PTPRM: variants seen among roughly 807,000 people sequenced by gnomAD.
The protein encoded by PTPRM is protein tyrosine phosphatase receptor type M.
In PTPRM, 47 loss-of-function variants were observed where a neutral mutation model predicts 186.7. That is an observed-to-expected ratio of 0.25 (90% CI 0.20 to 0.32). The LOEUF (loss-of-function observed/expected upper bound fraction) is 0.32. PTPRM is among the 10% of genes least tolerant of loss of function. The pLI is 1.00. For synonymous variants in PTPRM, 668 were observed against 674.9 expected, an observed-to-expected ratio of 0.99 and a Z score of 0.16; for missense variants, 1,494 against 1,865.0, an observed-to-expected ratio of 0.80 and a Z score of 3.66.
rs75786621 is a variant in PTPRM at position 7,818,340 on chromosome 18, C to T, written c.196+44069C>T. ...TGTATCTAACCATTCAGTTCCTTTA[C>T]TTCGTTCAGTCATTCACAAACAGTT... On this transcript the variant is annotated intron_variant, in intron 2 of 32. Coordinates refer to ENST00000580170, the MANE Select transcript of PTPRM (RefSeq NM_001105244.2). Among the ~76,000 whole-genome samples the T allele has an allele frequency of 3.5e-4, 54 of 152,280 alleles. 3 individuals are homozygous for T. In the Middle Eastern group the frequency reaches 0.01, roughly 29 times the overall value.
chr18:8,307,015 T>C (rs1005570662), intron 20 of PTPRM, among the ~76,000 whole-genome samples: 2 of 152,176 alleles, frequency 1.3e-5, no homozygotes. Context: ...CATATACTGA[T>C]TTATTTGCCC....
At chr18:8,401,056 A>C (rs1338367614) in intron 32 of PTPRM, among the ~76,000 whole-genome samples, 8 of 151,350 alleles carry the variant, frequency 5.3e-5, no homozygotes, top group Admixed American at 5.3e-4. Context: ...CCACCCCCAG[A>C]TTCCACTTGC....
At chr18:8,201,559 C>A (rs1331494867) in intron 14 of PTPRM, among the ~76,000 whole-genome samples, 1 of 152,164 alleles carries the variant, frequency 6.6e-6, no homozygotes, top group African/African-American at 2.4e-5. Flanking sequence ...GTGGCTTAAA[C>A]AATGCACATG....
chr18:8,339,277 G>A (rs2095459585), intron 22 of PTPRM, among the ~76,000 whole-genome samples: 1 of 151,506 alleles, frequency 6.6e-6, no homozygotes, highest in Non-Finnish European at 1.5e-5. Flanking sequence ...AGGTCTCTGT[G>A]TGCCTGCCAG....
At chr18:7,943,203 T>TC (rs1568047529) in intron 5 of PTPRM, among the ~76,000 whole-genome samples, 1 of 152,096 alleles carries the variant, frequency 6.6e-6, no homozygotes, top group Non-Finnish European at 1.5e-5. Flanking sequence ...ACACTGTCAT[T>TC]CCCCCGCTCT....
chr18:8,376,748 T>TCCCG, intron 26 of PTPRM, 151 bp downstream of exon 26: 1 of 976,194 alleles, frequency 1.0e-6, no homozygotes, highest in Non-Finnish European at 1.4e-6. Context: ...CCTCCCTCCC[T>TCCCG]TCCCCCTTTT....
intron 19 of PTPRM, among the ~76,000 whole-genome samples, chr18:8,285,486 C>T (rs1363655340): frequency 1.3e-5 from 2 of 152,200 alleles, no homozygotes; most frequent in African/African-American, 4.8e-5. Flanking sequence ...TGCTGAATTG[C>T]AGGTGAGAAA....
At chr18:7,715,535 G>C (rs534482730) in intron 1 of PTPRM, among the ~76,000 whole-genome samples, 260 of 152,120 alleles carry the variant, frequency 1.7e-3, no homozygotes, top group Non-Finnish European at 3.2e-3. Context: ...AGAAATAAAG[G>C]GTATTCAAAT....
intron 1 of PTPRM, among the ~76,000 whole-genome samples, chr18:7,605,757 C>T (rs1050294128): frequency 2.0e-5 from 3 of 152,174 alleles, no homozygotes; most frequent in African/African-American, 4.8e-5. Context: ...CAGTCTGAGG[C>T]TGTGGTAGTG....
chr18:7,620,126 C>G (rs1288231385), intron 1 of PTPRM, among the ~76,000 whole-genome samples: 1 of 152,192 alleles, frequency 6.6e-6, no homozygotes, highest in East Asian at 1.9e-4. Context: ...GGGTGTTTCC[C>G]TACCTTAGGC....
intron 14 of PTPRM, among the ~76,000 whole-genome samples, chr18:8,185,573 G>A (rs2093631541): frequency 6.6e-6 from 1 of 152,246 alleles, no homozygotes; most frequent in African/African-American, 2.4e-5. Flanking sequence ...TGGCAGGTCA[G>A]TGGCCTCAGG....
At chr18:8,242,768 G>A (rs146164334) in intron 14 of PTPRM, among the ~76,000 whole-genome samples, 19 of 152,224 alleles carry the variant, frequency 1.2e-4, no homozygotes, top group African/African-American at 3.9e-4. Context: ...ATTTAGAAAT[G>A]GTAATAAAGA....
chr18:7,966,548 G>C (rs1371154866), intron 7 of PTPRM, among the ~76,000 whole-genome samples: 2 of 150,106 alleles, frequency 1.3e-5, no homozygotes, highest in Non-Finnish European at 3.0e-5. Context: ...GAGGTACCGG[G>C]TTCATCTCAC....
chr18:7,894,481 G>C (rs965638893), intron 3 of PTPRM, among the ~76,000 whole-genome samples: 2 of 151,996 alleles, frequency 1.3e-5, no homozygotes, highest in African/African-American at 4.8e-5. Context: ...AGCTACTCGG[G>C]AGGCTGAGGC....
intron 1 of PTPRM, among the ~76,000 whole-genome samples, chr18:7,671,205 A>G (rs1310022739): frequency 6.6e-6 from 1 of 152,158 alleles, no homozygotes; most frequent in Admixed American, 6.5e-5. Context: ...ACAGGTAATT[A>G]TATACACACC....
chr18:7,791,636 G>A (rs554072073), intron 2 of PTPRM, among the ~76,000 whole-genome samples: 18 of 152,250 alleles, frequency 1.2e-4, no homozygotes, highest in Admixed American at 4.6e-4. Flanking sequence ...TTAGTTGGAT[G>A]CACAGAAGAA....
chr18:8,290,609 C>G (rs2095032251), intron 19 of PTPRM, among the ~76,000 whole-genome samples: 1 of 152,116 alleles, frequency 6.6e-6, no homozygotes, highest in African/African-American at 2.4e-5. Flanking sequence ...GTTCAATTTC[C>G]TTCTGCTCTG....
At chr18:8,094,386 A>C (rs1025378663) in intron 11 of PTPRM, among the ~76,000 whole-genome samples, 4 of 151,998 alleles carry the variant, frequency 2.6e-5, no homozygotes, top group African/African-American at 9.6e-5. Context: ...AAAGATATAA[A>C]TGTTTTGTAA....
intron 7 of PTPRM, among the ~76,000 whole-genome samples, chr18:7,997,234 C>A: frequency 6.6e-6 from 1 of 152,122 alleles, no homozygotes; most frequent in Admixed American, 6.6e-5. Context: ...AATAAATCTA[C>A]ATATTTATAG....
Sources: allele counts gnomAD v4.1 joint callset (sites outside exome capture counted in the v4.1 genomes callset), GRCh38; gene constraint gnomAD v4.1.1; transcripts MANE v1.5; gene names NCBI Gene and HGNC (gene_info 2026-07-23, HGNC 2026-07-21).